The following GRM8 variants were observed in gnomAD, a reference collection of about 807,000 sequenced individuals.
GRM8 encodes the protein metabotropic glutamate receptor 8.
GRM8 carries 47 observed loss-of-function variants against 87.2 expected under a neutral mutation model. The observed-to-expected ratio is 0.54, with a 90% CI of 0.43 to 0.69. The LOEUF (loss-of-function observed/expected upper bound fraction) is 0.69. GRM8 is among the 30% of genes least tolerant of loss of function. The probability of loss-of-function intolerance (pLI) is 0.00; values close to 1 mark genes in which losing one functional copy is unlikely to be tolerated. For synonymous variants in GRM8, 396 were observed against 404.5 expected (o/e 0.98, Z 0.25); for missense variants, 1,019 against 1,139.2 (o/e 0.89, Z 1.52).
intron 8 of GRM8, among the ~76,000 whole-genome samples, chr7:126,541,943 A>C (rs1816589871): frequency 6.6e-6 from 1 of 152,228 alleles, no homozygotes; most frequent in African/African-American, 2.4e-5. Context: ...CAGAATCTTT[A>C]AAGAGGTAAT....
intron 6 of GRM8, among the ~76,000 whole-genome samples, chr7:126,901,955 G>GT (rs560232095): frequency 1.3e-5 from 2 of 151,362 alleles, no homozygotes; most frequent in Non-Finnish European, 2.9e-5. Context: ...AATTATGCGA[G>GT]TTTTTTTTCT....
intron 8 of GRM8, among the ~76,000 whole-genome samples, chr7:126,600,617 A>G (rs1797647228): frequency 6.6e-6 from 1 of 152,198 alleles, no homozygotes; most frequent in South Asian, 2.1e-4. Flanking sequence ...AGAAAAGATC[A>G]GCATATTATT....
At chr7:127,198,669 AT>A (rs113555701) in intron 2 of GRM8, among the ~76,000 whole-genome samples, 4,712 of 144,276 alleles carry the variant, frequency 0.033, 151 homozygotes, top group African/African-American at 0.092. Context: ...ATAGAAATGA[AT>A]TTTTTTTTTT....
chr7:126,964,917 C>T lies in GRM8; in HGVS notation c.728-60234G>A, dbSNP rs28951076. Among the ~76,000 whole-genome samples, 131 of 152,254 alleles carry T rather than the reference C, an allele frequency of 8.6e-4. 1 individual carries two copies. The East Asian group carries it at 0.021, about 24-fold the overall frequency. On this transcript the variant is annotated intron_variant, in intron 3 of 10. Transcript: ENST00000339582. Reference sequence around the variant, plus strand: ...AAGACTTGGAACCAACCCAAATGCCCATCAATGATAAACTGGATTAAGAAA... The same window carrying T: ...AAGACTTGGAACCAACCCAAATGCCTATCAATGATAAACTGGATTAAGAAA...
intron 3 of GRM8, among the ~76,000 whole-genome samples, chr7:126,969,647 T>C (rs911049266): frequency 7.2e-5 from 11 of 152,150 alleles, no homozygotes; most frequent in Admixed American, 6.6e-4. Context: ...AAGCCATCCC[T>C]AAGGGTTGGC....
At chr7:127,010,349 C>T (rs1814764514) in intron 3 of GRM8, among the ~76,000 whole-genome samples, 1 of 152,044 alleles carries the variant, frequency 6.6e-6, no homozygotes, top group Admixed American at 6.5e-5. Context: ...TAAGTTTTCT[C>T]TTTAAATGAA....
intron 3 of GRM8, among the ~76,000 whole-genome samples, chr7:127,024,367 A>G (rs2132243527): frequency 6.6e-6 from 1 of 152,240 alleles, no homozygotes; most frequent in Middle Eastern, 3.4e-3. Flanking sequence ...TTTGTCCAGC[A>G]TTCACCATCA....
chr7:126,453,903 G>A (rs952432670), intron 9 of GRM8, among the ~76,000 whole-genome samples: 4 of 151,660 alleles, frequency 2.6e-5, no homozygotes, highest in Non-Finnish European at 2.9e-5. Flanking sequence ...TACTCTCTCA[G>A]TGCTTATTAA....
chr7:126,711,143 C>T (rs1050126894), intron 7 of GRM8, among the ~76,000 whole-genome samples: 3 of 152,102 alleles, frequency 2.0e-5, no homozygotes, highest in Non-Finnish European at 4.4e-5. Flanking sequence ...CCACTGCACT[C>T]CAGCCTGGAT....
At chr7:126,620,516 T>C (rs1409202299) in intron 7 of GRM8, among the ~76,000 whole-genome samples, 1 of 152,198 alleles carries the variant, frequency 6.6e-6, no homozygotes, top group African/African-American at 2.4e-5. Context: ...AAGGTTTTTT[T>C]TTTCAAATGT....
rs531550016 is a variant in GRM8 at position 127,045,734 on chromosome 7, TTCTC to T, written c.727+60758_727+60761del. On this transcript the variant is annotated intron_variant, in intron 3 of 10. Transcript: ENST00000339582. ...ATAACTTCTCAAGCTACCTCTTCTG[TTCTC>T]TCTATTTGTCTATCCCTGTGCTAAC... Among the ~76,000 whole-genome samples the T allele has an allele frequency of 1.7e-3, 259 of 152,298 alleles. 2 individuals carry two copies. Among genetic ancestry groups the T allele is most frequent in the African/African-American group, 5.9e-3 (244 of 41,574 alleles).
intron 8 of GRM8, among the ~76,000 whole-genome samples, chr7:126,567,701 T>A (rs2150977248): frequency 6.6e-6 from 1 of 152,276 alleles, no homozygotes; most frequent in Admixed American, 6.5e-5. Context: ...TCCCCATTAC[T>A]GATAAGCCTC....
chr7:127,080,458 T>TC (rs1316453191), intron 3 of GRM8, among the ~76,000 whole-genome samples: 5 of 152,112 alleles, frequency 3.3e-5, no homozygotes, highest in African/African-American at 4.8e-5. Flanking sequence ...AACTAGCACA[T>TC]CCCCCATCCC....
intron 3 of GRM8, among the ~76,000 whole-genome samples, chr7:126,945,101 A>G (rs971238622): frequency 6.6e-6 from 1 of 152,210 alleles, no homozygotes; most frequent in African/African-American, 2.4e-5. Context: ...TCTATAAATT[A>G]CATGTGTAGA....
chr7:127,251,278 C>T (rs1798851029), intron 1 of GRM8: 1 of 152,210 alleles, frequency 6.6e-6, no homozygotes, highest in Admixed American at 6.5e-5. Flanking sequence ...AACTGGGTGA[C>T]TCGCGTGTCC....
intron 7 of GRM8, among the ~76,000 whole-genome samples, chr7:126,729,413 C>A (rs890718144): frequency 3.9e-5 from 6 of 152,158 alleles, no homozygotes; most frequent in African/African-American, 1.4e-4. Flanking sequence ...GCTTCCTTAC[C>A]CCTTGGGTGG....
At chr7:126,875,105 C>T (rs1374010295) in intron 6 of GRM8, among the ~76,000 whole-genome samples, 1 of 152,052 alleles carries the variant, frequency 6.6e-6, no homozygotes, top group Non-Finnish European at 1.5e-5. Context: ...TTCATGACAA[C>T]TCAAGATACT....
chr7:126,488,975 A>G (rs1337035527), intron 9 of GRM8, among the ~76,000 whole-genome samples: 2 of 151,754 alleles, frequency 1.3e-5, no homozygotes, highest in Non-Finnish European at 2.9e-5. Flanking sequence ...TATCAAATAT[A>G]TACTTAATAT....
At chr7:127,186,690 G>A (rs1361653016) in intron 2 of GRM8, among the ~76,000 whole-genome samples, 1 of 152,124 alleles carries the variant, frequency 6.6e-6, no homozygotes, top group African/African-American at 2.4e-5. Flanking sequence ...CATAAAACGT[G>A]TACAAAGAGA....
Sources: gnomAD v4.1 joint callset for allele counts (sites outside exome capture counted in the v4.1 genomes callset) on GRCh38, gnomAD v4.1.1 for gene constraint, MANE v1.5 for transcripts, NCBI Gene and HGNC (gene_info 2026-07-23, HGNC 2026-07-21) for gene names.